The following SETD2 variants were observed in gnomAD, a reference collection of about 807,000 sequenced individuals.
SETD2 encodes the protein SET domain containing 2, histone lysine methyltransferase.
Under a neutral mutation model 242.1 loss-of-function variants are expected in SETD2, and 31 were observed. That is an observed-to-expected ratio of 0.13 (90% CI 0.10 to 0.17). SETD2 has a LOEUF of 0.17. SETD2 is among the 10% of genes least tolerant of loss of function. The pLI, the probability that SETD2 is intolerant of heterozygous loss-of-function variation, is 1.00. For missense variants in SETD2, 2,481 were observed against 3,046.3 expected (o/e 0.81, Z 4.37); for synonymous variants, 1,006 against 1,066.5 (o/e 0.94, Z 1.11).
At position 47,106,128 on chromosome 3, in the gene SETD2, C is replaced by A. The variant is rs1352185074; in HGVS notation, c.4716-8G>T. On this transcript the variant is annotated splice_region_variant and splice_polypyrimidine_tract_variant and intron_variant, in intron 5 of 20. Coordinates refer to ENST00000409792, the MANE Select transcript of SETD2 (RefSeq NM_014159.7). ...TCTAGGACAAAGGTGTTCCTGCAAA[C>A]CAAAAGGAAAAAAATAGCACTTCCT... is the stretch of plus-strand genomic sequence containing the variant. 1.2e-6 allele frequency: 2 copies of A among 1,605,242 alleles called. No individual in the cohort carries two copies. Among genetic ancestry groups the A allele is most frequent in the East Asian group, 2.2e-5 (1 of 44,694 alleles).
intron 9 of SETD2, among the ~76,000 whole-genome samples, chr3:47,089,189 T>C (rs1475204030): frequency 6.6e-6 from 1 of 152,190 alleles, no homozygotes; most frequent in African/African-American, 2.4e-5. Flanking sequence ...CTCACACTTG[T>C]AATCTCAGCA....
chr3:47,156,340 A>C (rs2044127254), intron 1 of SETD2, among the ~76,000 whole-genome samples: 1 of 152,258 alleles, frequency 6.6e-6, no homozygotes, highest in Non-Finnish European at 1.5e-5. Flanking sequence ...ATCTGGAAAC[A>C]CCAAAGTCCT....
chr3:47,105,177 A>G (rs1400995733), intron 6 of SETD2, among the ~76,000 whole-genome samples: 1 of 152,164 alleles, frequency 6.6e-6, no homozygotes, highest in Non-Finnish European at 1.5e-5. Context: ...TGGGAGGCTG[A>G]GGCACATGGA....
In SETD2 at chr3:47,120,867, T is replaced by A. The variant is rs750887950; in HGVS notation, c.3769A>T (p.Asn1257Tyr). The change falls in exon 3 of 21, where the codon AAC becomes TAC. Residue 1257 changes from asparagine to tyrosine, a missense_variant. Asn to Tyr is a moderately radical substitution (Grantham distance 143). Coordinates refer to ENST00000409792, the MANE Select transcript of SETD2 (RefSeq NM_014159.7). ...DGLHSSEELR[N>Y]LGWDFSQEKP... Reference sequence around the variant, plus strand: ...TCTTGAGAGAAGTCCCAACCTAAGTTTCTGAGCTCTTCTGATGAGTGCAAG... The same window carrying A: ...TCTTGAGAGAAGTCCCAACCTAAGTATCTGAGCTCTTCTGATGAGTGCAAG... 17 of 1,614,102 alleles carry A rather than the reference T, an allele frequency of 1.1e-5. No individual in the cohort carries two copies. Among genetic ancestry groups the A allele is most frequent in the Non-Finnish European group, 1.4e-5 (17 of 1,180,034 alleles).
chr3:47,088,314 A>G (rs2041654354), intron 9 of SETD2, 67 bp from the exon 10 acceptor site: 5 of 1,512,748 alleles, frequency 3.3e-6, no homozygotes, highest in Admixed American at 4.2e-5. Flanking sequence ...CAAAAACCCA[A>G]AAAGTTGCTC....
At chr3:47,079,953 G>C (rs991463553) in intron 12 of SETD2, among the ~76,000 whole-genome samples, 5 of 152,120 alleles carry the variant, frequency 3.3e-5, no homozygotes, top group Admixed American at 2.0e-4. Flanking sequence ...TAAAGGATAA[G>C]TAATATTAAT....
At chr3:47,063,492 G>A (rs528764887) in intron 13 of SETD2, among the ~76,000 whole-genome samples, 68 of 151,906 alleles carry the variant, frequency 4.5e-4, no homozygotes, top group South Asian at 1.3e-3. Context: ...AAAACAAACC[G>A]ACAAACCAAA....
chr3:47,115,368 G>C (rs972701822), intron 4 of SETD2, among the ~76,000 whole-genome samples: 1 of 152,050 alleles, frequency 6.6e-6, no homozygotes, highest in African/African-American at 2.4e-5. Context: ...GGAAAACCCA[G>C]AAGAATGACT....
chr3:47,078,751 C>T (rs975613933), intron 12 of SETD2, among the ~76,000 whole-genome samples: 2 of 151,400 alleles, frequency 1.3e-5, no homozygotes, highest in South Asian at 4.2e-4. Flanking sequence ...TTTTTTTTTA[C>T]ACAAAGTCTC....
At chr3:47,088,545 C>T (rs1486599713) in intron 9 of SETD2, among the ~76,000 whole-genome samples, 1 of 151,454 alleles carries the variant, frequency 6.6e-6, no homozygotes, top group Non-Finnish European at 1.5e-5. Flanking sequence ...TGAGCCAAAA[C>T]AGAAAAACCT....
chr3:47,112,886 G>A (rs773556110), intron 5 of SETD2, among the ~76,000 whole-genome samples: 1 of 152,082 alleles, frequency 6.6e-6, no homozygotes, highest in Non-Finnish European at 1.5e-5. Flanking sequence ...CACCATGCCC[G>A]GCCAAGAATA....
At chr3:47,040,764 G>A (rs2039243991) in intron 17 of SETD2, among the ~76,000 whole-genome samples, 1 of 151,550 alleles carries the variant, frequency 6.6e-6, no homozygotes, top group African/African-American at 2.4e-5. Flanking sequence ...GTAGAGATGG[G>A]GTTTCACTAT....
At chr3:47,083,349 A>T (rs900941241) in intron 12 of SETD2, among the ~76,000 whole-genome samples, 4 of 152,152 alleles carry the variant, frequency 2.6e-5, no homozygotes, top group African/African-American at 9.7e-5. Flanking sequence ...ATTATTTTTA[A>T]TTTTCCATTA....
At position 47,120,562 on chromosome 3, in the gene SETD2, T is replaced by A. The variant is rs908737172; in HGVS notation, c.4074A>T (p.Leu1358=). ...CTGACCCCTTGTCTTTCTGAAGGGA[T>A]AGAAGAAATTTATCGGACTGGTCTG... ...HFSDQSDKFL[L]SLQKDKGSVQ... is the part of the protein sequence containing the mutation. The change falls in exon 3 of 21, where the codon CTA becomes CTT. Residue 1358 remains leucine (L), a synonymous_variant. Coordinates refer to ENST00000409792, the MANE Select transcript of SETD2 (RefSeq NM_014159.7). 4 of 1,614,208 alleles carry A rather than the reference T, an allele frequency of 2.5e-6. No homozygotes were observed. The highest frequency in any genetic ancestry group is 2.5e-6 in the Non-Finnish European group (3 of 1,180,022).
intron 12 of SETD2, among the ~76,000 whole-genome samples, chr3:47,078,079 G>A (rs1249658825): frequency 6.6e-6 from 1 of 152,144 alleles, no homozygotes; most frequent in African/African-American, 2.4e-5. Flanking sequence ...AACCACCACA[G>A]TAAGTAATTC....
chr3:47,037,592 A>G, intron 18 of SETD2, 74 bp downstream of exon 18: 1 of 1,094,696 alleles, frequency 9.1e-7, no homozygotes, highest in South Asian at 1.3e-5. Flanking sequence ...AGAAAAAAGA[A>G]TCCCAAGACC....
intron 15 of SETD2, among the ~76,000 whole-genome samples, chr3:47,055,471 C>T (rs558869513): frequency 6.8e-6 from 1 of 147,454 alleles, no homozygotes; most frequent in East Asian, 2.1e-4. Flanking sequence ...TTTGGGAGGG[C>T]CAAGGCAGGA....
chr3:47,121,982 C>T lies in SETD2; in HGVS notation c.2654G>A (p.Ser885Asn), dbSNP rs2043112968. Residue 885 changes from serine (S) to asparagine (N), a missense_variant, in exon 3 of 21, where the codon AGT (serine) becomes AAT (asparagine). Physicochemically the swap from Ser to Asn is conservative, Grantham distance 46. Transcript: ENST00000409792. ...GTCCACCTTTATTCCTGGTGGAAGA[C>T]TCTGAAGAGATGAAGCAATACCTGA... ...GSSGIASSLQ[S>N]LPPGIKVDSL... 6.2e-7 allele frequency: 1 copy of T among 1,613,960 alleles called. No individual in the cohort carries two copies. Among genetic ancestry groups the T allele is most frequent in the Non-Finnish European group, 8.5e-7 (1 of 1,179,978 alleles).
At chr3:47,138,378 T>G (rs2043643751) in intron 1 of SETD2, 1 of 187,710 alleles carries the variant, frequency 5.3e-6, no homozygotes, top group Non-Finnish European at 1.2e-5. Flanking sequence ...CAAGCGAATC[T>G]CCTGCCTCAG....
Sources: gnomAD v4.1 joint callset for allele counts (sites outside exome capture counted in the v4.1 genomes callset) on GRCh38, gnomAD v4.1.1 for gene constraint, MANE v1.5 for transcripts, NCBI Gene and HGNC (gene_info 2026-07-23, HGNC 2026-07-21) for gene names.